The following GNB5 variants were observed in gnomAD, a reference collection of about 807,000 sequenced individuals.
GNB5 encodes the protein guanine nucleotide-binding protein subunit beta-5.
Under a neutral mutation model 55.3 loss-of-function variants are expected in GNB5, and 37 were observed. The ratio of observed to expected loss-of-function variants is 0.67; its 90% CI spans 0.51 to 0.88. The LOEUF (loss-of-function observed/expected upper bound fraction) is 0.88, where lower values mean the gene tolerates loss of function less well. Among genes scored for constraint, GNB5 ranks in the 40% least tolerant of loss-of-function variants. The pLI is 0.00. For synonymous variants in GNB5, 219 were observed against 198.5 expected, an observed-to-expected ratio of 1.10 and a Z score of -0.87; for missense variants, 476 against 515.3, an observed-to-expected ratio of 0.92 and a Z score of 0.74.
chr15:52,127,441 A>G lies in GNB5; in HGVS notation c.912+755T>C, dbSNP rs184338011. 3.7e-3 allele frequency among the ~76,000 whole-genome samples: 556 copies of G among 152,252 alleles called. 3 individuals carry two copies. Among genetic ancestry groups the G allele is most frequent in the South Asian group, 6.2e-3 (30 of 4,824 alleles). On this transcript the variant is annotated intron_variant, in intron 10 of 12. Transcript: ENST00000261837. ...TCTACAGGATTTCAACTTGGTCTGT[A>G]CTGTATGTGGCAAGAATTTTTCCAT...
chr15:52,137,761 G>T, intron 7 of GNB5: 1 of 1,200,520 alleles, frequency 8.3e-7, no homozygotes, highest in Non-Finnish European at 1.1e-6. Flanking sequence ...GGCCCAGCTG[G>T]CGGCATCACA....
At chr15:52,128,093 A>G (rs2033473975) in intron 10 of GNB5, 103 bp downstream of exon 10, 1 of 719,992 alleles carries the variant, frequency 1.4e-6, no homozygotes, top group Non-Finnish European at 2.4e-6. Context: ...TTCTTTATTG[A>G]ATACTCGTTA....
chr15:52,140,995 T>C, intron 7 of GNB5, 145 bp downstream of exon 7: 1 of 622,848 alleles, frequency 1.6e-6, no homozygotes, highest in Non-Finnish European at 2.8e-6. Flanking sequence ...TAATAACTAA[T>C]GAGAAACAAT....
At chr15:52,139,976 C>A in intron 7 of GNB5, 1 of 1,261,216 alleles carries the variant, frequency 7.9e-7, no homozygotes, top group Non-Finnish European at 1.0e-6. Context: ...GCCTCAGGCC[C>A]AAAGACATCT....
At chr15:52,155,662 C>T (rs1335985670) in intron 3 of GNB5, among the ~76,000 whole-genome samples, 1 of 152,126 alleles carries the variant, frequency 6.6e-6, no homozygotes, top group East Asian at 1.9e-4. Flanking sequence ...TTATATTTAG[C>T]CTCCAGTTAT....
intron 2 of GNB5, 114 bp downstream of exon 2, chr15:52,184,437 G>T: frequency 1.1e-6 from 1 of 871,782 alleles, no homozygotes; most frequent in Non-Finnish European, 1.8e-6. Context: ...CCAAGCCCAG[G>T]CATACTGAAA....
chr15:52,167,076 G>A (rs1363497355), intron 3 of GNB5, among the ~76,000 whole-genome samples: 24 of 152,208 alleles, frequency 1.6e-4, no homozygotes, highest in Admixed American at 1.6e-3. Context: ...AGAAAATCTA[G>A]AAGAAATAGA....
At chr15:52,155,924 T>C (rs1281548552) in intron 3 of GNB5, among the ~76,000 whole-genome samples, 2 of 152,238 alleles carry the variant, frequency 1.3e-5, no homozygotes, top group African/African-American at 4.8e-5. Flanking sequence ...TCTGAGGCTA[T>C]GTAAACATGT....
intron 3 of GNB5, among the ~76,000 whole-genome samples, chr15:52,156,696 AG>A (rs1397145979): frequency 2.0e-5 from 3 of 151,992 alleles, no homozygotes; most frequent in African/African-American, 7.3e-5. Flanking sequence ...CAGTGAGCTG[AG>A]ATTGCGCCAC....
At position 52,139,035 on chromosome 15, in the gene GNB5, T is replaced by A. The variant is rs919625701; in HGVS notation, c.627+2105A>T. 6 of 152,010 alleles carry A rather than the reference T, an allele frequency of 3.9e-5. No individual in the cohort carries two copies. In the East Asian group the frequency reaches 9.6e-4, roughly 24 times the overall value. 9.4% of individuals were successfully genotyped at this position (152,010 alleles called of 1,614,324 possible). A position where few individuals can be genotyped will look rare whatever the true frequency, so the allele number is the denominator to read the frequency against. ...CATAGTCTCATACCAGCCGCTTGAGTTTCTCTTTTATCAACCTAGATCCCA... is the reference window on the plus strand; with the variant it reads ...CATAGTCTCATACCAGCCGCTTGAGATTCTCTTTTATCAACCTAGATCCCA... On this transcript the variant is annotated intron_variant, in intron 7 of 12. Coordinates refer to ENST00000261837, the MANE Select transcript of GNB5 (RefSeq NM_016194.4).
At chr15:52,168,916 T>G (rs146849943) in intron 3 of GNB5, among the ~76,000 whole-genome samples, 2 of 152,358 alleles carry the variant, frequency 1.3e-5, no homozygotes, top group African/African-American at 4.8e-5. Flanking sequence ...TGGCTAGCCA[T>G]ATGCAGAAGA....
intron 5 of GNB5, among the ~76,000 whole-genome samples, chr15:52,147,738 A>G (rs555345415): frequency 1.3e-5 from 2 of 152,280 alleles, no homozygotes; most frequent in Admixed American, 6.5e-5. Flanking sequence ...ATGCGCCACC[A>G]TGCCAGGCTA....
chr15:52,169,959 A>T (rs917458618), intron 3 of GNB5, among the ~76,000 whole-genome samples: 4 of 152,262 alleles, frequency 2.6e-5, no homozygotes, highest in Non-Finnish European at 5.9e-5. Flanking sequence ...AACATGAAAA[A>T]AAGCTCAATA....
intron 4 of GNB5, among the ~76,000 whole-genome samples, chr15:52,151,874 G>A (rs563928095): frequency 2.5e-4 from 38 of 152,156 alleles, no homozygotes; most frequent in African/African-American, 8.7e-4. Context: ...CAGAGGCTGA[G>A]GCAGGAGGAT....
intron 10 of GNB5, 34 bp from the exon 11 acceptor site, chr15:52,126,078 C>A (rs1185444868): frequency 2.8e-6 from 3 of 1,061,370 alleles, no homozygotes. Flanking sequence ...GCACTTACTT[C>A]TGGCTTCAGT....
intron 9 of GNB5, among the ~76,000 whole-genome samples, chr15:52,130,930 A>G (rs564987876): frequency 1.3e-5 from 2 of 152,228 alleles, no homozygotes; most frequent in Non-Finnish European, 2.9e-5. Flanking sequence ...GGTTCAAGCG[A>G]TTCTTGTGCC....
intron 8 of GNB5, 136 bp from the exon 9 acceptor site, chr15:52,133,605 T>C: frequency 1.6e-6 from 1 of 632,462 alleles, no homozygotes; most frequent in Non-Finnish European, 2.9e-6. Context: ...TGAGACTAGC[T>C]TTACCTGAGG....
chr15:52,126,203 C>T (rs1376192520), intron 10 of GNB5, 159 bp from the exon 11 acceptor site: 1 of 563,276 alleles, frequency 1.8e-6, no homozygotes, highest in South Asian at 2.4e-5. Flanking sequence ...TTAGTCCCGA[C>T]TCCTGTTAAT....
intron 11 of GNB5, 81 bp from the exon 12 acceptor site, chr15:52,124,720 C>G (rs757441754): frequency 2.4e-5 from 29 of 1,224,932 alleles, no homozygotes; most frequent in Non-Finnish European, 3.4e-5. Flanking sequence ...CTCACTCATT[C>G]AGTAAGCAGT....
Sources: allele counts gnomAD v4.1 joint callset (sites outside exome capture counted in the v4.1 genomes callset), GRCh38; gene constraint gnomAD v4.1.1; transcripts MANE v1.5; gene names NCBI Gene and HGNC (gene_info 2026-07-23, HGNC 2026-07-21).